The following NCOR2 variants were observed in gnomAD, a reference collection of about 807,000 sequenced individuals.
NCOR2 encodes nuclear receptor corepressor 2.
A neutral mutation model predicts 262.9 loss-of-function variants in NCOR2; 81 were observed. That is an observed-to-expected ratio of 0.31 (90% CI 0.26 to 0.37). NCOR2 has a LOEUF of 0.37. Among genes scored for constraint, NCOR2 ranks in the 10% least tolerant of loss-of-function variants. The pLI is 1.00. For missense variants in NCOR2, 3,385 were observed against 3,621.4 expected (o/e 0.93, Z 1.68); for synonymous variants, 1,659 against 1,559.3 (o/e 1.06, Z -1.51).
At position 124,481,375 on chromosome 12, in the gene NCOR2, G is replaced by T. The variant is rs1369989719; in HGVS notation, c.411+2221C>A. ...AGAGACCCCCTTCAAGGCCGGCAGG[G>T]CCCCTGTGGCTGAATCTCACACCCC... On this transcript the variant is annotated intron_variant, in intron 3 of 46. Coordinates refer to ENST00000405201, the Ensembl canonical transcript of NCOR2. The surrounding 1 kb of genome is among the most constrained non-coding windows in gnomAD (Gnocchi z 4.6). Among the ~76,000 whole-genome samples the T allele has an allele frequency of 1.1e-4, 17 of 152,158 alleles. No homozygotes were observed. Among genetic ancestry groups the T allele is most frequent in the Non-Finnish European group, 1.5e-5 (1 of 68,010 alleles).
intron 1 of NCOR2, among the ~76,000 whole-genome samples, chr12:124,556,903 C>T (rs1435594122): frequency 6.6e-6 from 1 of 151,514 alleles, no homozygotes; most frequent in Admixed American, 6.6e-5. Flanking sequence ...ACGAGGCCTG[C>T]GGATACCAGG....
intron 13 of NCOR2, among the ~76,000 whole-genome samples, chr12:124,413,059 C>T (rs2042671375): frequency 6.6e-6 from 1 of 152,220 alleles, no homozygotes; most frequent in Non-Finnish European, 1.5e-5. Flanking sequence ...CTTCTCACCC[C>T]CAGCCCACAG....
Position 124,340,596 on chromosome 12 carries a change from C to T in NCOR2, c.5338+6G>A, listed in dbSNP as rs554945205. 6.0e-6 allele frequency: 9 copies of T among 1,501,856 alleles called. No homozygotes were observed. In the South Asian group the frequency reaches 8.0e-5, roughly 13 times the overall value. 93.0% of individuals were successfully genotyped at this position (1,501,856 alleles called of 1,614,324 possible). On this transcript the variant is annotated splice_donor_region_variant and intron_variant, in intron 35 of 46. Coordinates refer to ENST00000405201, the Ensembl canonical transcript of NCOR2. ...GTCCCCACCCCAGACTGGGCAGTGG[C>T]GCTACCTGGGGAGAGTGGGGAGCTG...
At chr12:124,456,537 T>G (rs1191185717) in intron 6 of NCOR2, among the ~76,000 whole-genome samples, 2 of 152,136 alleles carry the variant, frequency 1.3e-5, no homozygotes, top group East Asian at 3.9e-4. Flanking sequence ...TCATCATAGC[T>G]AATGCCCAGC....
chr12:124,326,486 G>T (rs1009293999), intron 45 of NCOR2, 116 bp from the exon 48 acceptor site: 32 of 1,073,368 alleles, frequency 3.0e-5, no homozygotes, highest in Middle Eastern at 2.9e-4. Context: ...AAGAGGGAGG[G>T]AGAGCAGTAA....
At chr12:124,335,348 C>G (rs1466959982) in intron 39 of NCOR2, 68 bp from the exon 42 acceptor site, 6 of 1,503,842 alleles carry the variant, frequency 4.0e-6, no homozygotes, top group Non-Finnish European at 4.4e-6. Flanking sequence ...CAAATCCCAG[C>G]CCCATGCCTT....
chr12:124,559,498 G>A (rs2051999543), intron 1 of NCOR2, among the ~76,000 whole-genome samples: 1 of 152,214 alleles, frequency 6.6e-6, no homozygotes, highest in African/African-American at 2.4e-5. Flanking sequence ...TCTGACCTTG[G>A]TTAAGACACT....
At chr12:124,376,118 C>A (rs1226746467) in intron 18 of NCOR2, among the ~76,000 whole-genome samples, 1 of 152,218 alleles carries the variant, frequency 6.6e-6, no homozygotes, top group African/African-American at 2.4e-5. Flanking sequence ...TGGGCTAACA[C>A]CCTGGGCACC....
At chr12:124,505,289 G>T (rs1016523749) in intron 1 of NCOR2, among the ~76,000 whole-genome samples, 2 of 152,170 alleles carry the variant, frequency 1.3e-5, no homozygotes, top group Non-Finnish European at 2.9e-5. Flanking sequence ...ACCCCAAGGG[G>T]GCCCCCCGGT....
At chr12:124,474,475 T>C (rs757793818) in intron 3 of NCOR2, among the ~76,000 whole-genome samples, 4 of 152,180 alleles carry the variant, frequency 2.6e-5, no homozygotes, top group Non-Finnish European at 4.4e-5. Context: ...CATGGACGCC[T>C]TCATCCCACC....
chr12:124,417,847 G>A (rs1447943594), intron 13 of NCOR2, among the ~76,000 whole-genome samples: 1 of 152,098 alleles, frequency 6.6e-6, no homozygotes, highest in Admixed American at 6.5e-5. Context: ...GATCATCTAG[G>A]TCAGGAGTTC....
intron 1 of NCOR2, among the ~76,000 whole-genome samples, chr12:124,550,512 C>T (rs114668238): frequency 1.3e-5 from 2 of 151,906 alleles, no homozygotes; most frequent in South Asian, 4.2e-4. Flanking sequence ...GGATGGTGAA[C>T]GGGGGGGAGG....
chr12:124,473,432 G>A (rs1214207827), intron 3 of NCOR2, among the ~76,000 whole-genome samples: 1 of 152,170 alleles, frequency 6.6e-6, no homozygotes, highest in Non-Finnish European at 1.5e-5. Flanking sequence ...TTTCTCCCGT[G>A]CTGGATGCTT....
chr12:124,477,531 ATGATCT>A (rs1254165582), intron 3 of NCOR2, among the ~76,000 whole-genome samples: 9 of 152,342 alleles, frequency 5.9e-5, no homozygotes, highest in Admixed American at 5.9e-4. Context: ...GGTGATGAGA[ATGATCT>A]AGAACTAGAC....
intron 10 of NCOR2, 27 bp downstream of exon 12, chr12:124,429,586 G>T (rs1472172207): frequency 6.4e-7 from 1 of 1,572,266 alleles, no homozygotes; most frequent in Non-Finnish European, 8.6e-7. Context: ...AAAAGGAGCT[G>T]AGGCCAGAGT....
upstream of NCOR2, among the ~76,000 whole-genome samples, chr12:124,496,164 G>A (rs368601622): frequency 3.3e-5 from 5 of 151,830 alleles, no homozygotes; most frequent in African/African-American, 4.8e-5. This position sits in a 1 kb window ranked among gnomAD's most constrained non-coding sequence, Gnocchi z 4.4. Flanking sequence ...GAGAAGACAC[G>A]GCCCAGCAAG....
intron 3 of NCOR2, among the ~76,000 whole-genome samples, chr12:124,473,592 A>G (rs2046938059): frequency 6.6e-6 from 1 of 151,866 alleles, no homozygotes; most frequent in Admixed American, 6.6e-5. Flanking sequence ...TAATATATAT[A>G]TATATTTTTT....
intron 41 of NCOR2, among the ~76,000 whole-genome samples, chr12:124,333,897 C>CGCGCATGTGT: frequency 8.1e-6 from 1 of 123,696 alleles, no homozygotes; most frequent in South Asian, 2.5e-4. Flanking sequence ...TGTGTGTGTG[C>CGCGCATGTGT]GCGCGCATGT....
upstream of NCOR2, among the ~76,000 whole-genome samples, chr12:124,496,825 G>A (rs1417008349): frequency 6.6e-6 from 1 of 151,964 alleles, no homozygotes; most frequent in Non-Finnish European, 1.5e-5. This position sits in a 1 kb window ranked among gnomAD's most constrained non-coding sequence, Gnocchi z 4.4. Flanking sequence ...TCAAGGATGA[G>A]CCTGTGACCC....
Sources: gnomAD v4.1 joint callset for allele counts (sites outside exome capture counted in the v4.1 genomes callset) on GRCh38, gnomAD v4.1.1 for gene constraint, Gnocchi (gnomAD v3.1) non-coding constraint, MANE v1.5 for transcripts, NCBI Gene and HGNC (gene_info 2026-07-23, HGNC 2026-07-21) for gene names.